DAB1: variants seen among roughly 807,000 people sequenced by gnomAD.
DAB1 encodes the protein DAB adaptor protein 1.
Under a neutral mutation model 64.6 loss-of-function variants are expected in DAB1, and 15 were observed. That is an observed-to-expected ratio of 0.23 (90% CI 0.16 to 0.36). DAB1 has a LOEUF of 0.36. Ranked by LOEUF, DAB1 falls within the 10% of genes least tolerant of loss-of-function variation. The pLI is 1.00. For missense variants in DAB1, 596 were observed against 706.7 expected (o/e 0.84, Z 1.78); for synonymous variants, 235 against 251.9 (o/e 0.93, Z 0.64).
In DAB1 at chr1:58,055,882, G is replaced by GTTA. The variant is rs71246205; in HGVS notation, n.387+94626_387+94628dup. ...ACACAGGCATGTGCCATCACACCGAGTTATTATTATTATTATTATTATTAT... is the reference window on the plus strand; with the variant it reads ...ACACAGGCATGTGCCATCACACCGAGTTATTATTATTATTATTATTATTATTAT... On this transcript the variant is annotated intron_variant and non_coding_transcript_variant, in intron 5 of 20. Transcript: ENST00000485760. Among the ~76,000 whole-genome samples the GTTA allele has an allele frequency of 7.3e-3, 1,075 of 147,690 alleles. 10 individuals carry two copies. The highest frequency in any genetic ancestry group is 0.022 in the African/African-American group (874 of 40,474).
intron 14 of DAB1, among the ~76,000 whole-genome samples, chr1:56,998,363 CCT>C (rs1368412876): frequency 6.6e-6 from 1 of 152,080 alleles, no homozygotes; most frequent in African/African-American, 2.4e-5. Context: ...AACTGATTGC[CCT>C]GTTAGGGAAG....
intron 12 of DAB1, among the ~76,000 whole-genome samples, chr1:57,013,167 T>C (rs896277381): frequency 6.6e-6 from 1 of 152,222 alleles, no homozygotes; most frequent in Non-Finnish European, 1.5e-5. Context: ...AGTGCCGAGG[T>C]TGCCAACGAT....
At chr1:58,219,914 T>C (rs971838546) in intron 4 of DAB1, among the ~76,000 whole-genome samples, 1 of 152,256 alleles carries the variant, frequency 6.6e-6, no homozygotes. Flanking sequence ...TACAATAGGC[T>C]TTTTATTTAG....
At chr1:57,035,304 C>T (rs56268560) in intron 9 of DAB1, among the ~76,000 whole-genome samples, 6,565 of 152,058 alleles carry the variant, frequency 0.043, 210 homozygotes, top group Non-Finnish European at 0.062. Context: ...TACATCTGTC[C>T]AATATAAAAA....
chr1:58,471,394 C>G (rs338237), intron 3 of DAB1, among the ~76,000 whole-genome samples: 8,300 of 152,208 alleles, frequency 0.055, 798 homozygotes, highest in African/African-American at 0.19. Flanking sequence ...GATCTAGTTA[C>G]ACACCTGTTC....
intron 6 of DAB1, among the ~76,000 whole-genome samples, chr1:57,742,962 G>T (rs749818948): frequency 5.3e-5 from 8 of 152,142 alleles, no homozygotes; most frequent in Non-Finnish European, 1.2e-4. Flanking sequence ...ATTGTGTGCC[G>T]CTGTATACAC....
chr1:58,297,553 C>G (rs561612911), intron 4 of DAB1, among the ~76,000 whole-genome samples: 1 of 152,254 alleles, frequency 6.6e-6, no homozygotes, highest in South Asian at 2.1e-4. Flanking sequence ...CCTTTCTCCA[C>G]TTCTCCGCAG....
At chr1:57,863,228 G>A (rs1345006208) in intron 1 of DAB1, 1 of 151,816 alleles carries the variant, frequency 6.6e-6, no homozygotes, top group African/African-American at 2.4e-5. Context: ...AACTGGAGTG[G>A]TAGAAAGTAA....
At chr1:57,459,683 T>C (rs1389496319) in intron 7 of DAB1, among the ~76,000 whole-genome samples, 1 of 152,136 alleles carries the variant, frequency 6.6e-6, no homozygotes, top group East Asian at 1.9e-4. Context: ...CTTAGAACAG[T>C]CACCAGATCC....
intron 1 of DAB1, among the ~76,000 whole-genome samples, chr1:57,393,116 A>G (rs76633710): frequency 0.094 from 14,274 of 152,244 alleles, 1,053 homozygotes; most frequent in East Asian, 0.28. Flanking sequence ...GGAATGGCTA[A>G]ATCGAGCTAT....
chr1:57,824,262 C>T (rs1652248865), downstream of DAB1, among the ~76,000 whole-genome samples: 1 of 152,216 alleles, frequency 6.6e-6, no homozygotes, highest in South Asian at 2.1e-4. Flanking sequence ...ATTTGCTCAC[C>T]CACAAGTGCC....
chr1:57,247,252 T>C (rs1484526427), intron 2 of DAB1, among the ~76,000 whole-genome samples: 1 of 152,106 alleles, frequency 6.6e-6, no homozygotes, highest in Non-Finnish European at 1.5e-5. Flanking sequence ...GATCAGATCA[T>C]GGGGGCAGAT....
At chr1:58,058,756 G>A (rs919339374) in intron 5 of DAB1, among the ~76,000 whole-genome samples, 1 of 152,176 alleles carries the variant, frequency 6.6e-6, no homozygotes, top group African/African-American at 2.4e-5. Flanking sequence ...GATGAGAAGA[G>A]GTTTAAAGTA....
intron 6 of DAB1, among the ~76,000 whole-genome samples, chr1:57,652,176 A>G (rs1374186513): frequency 6.6e-6 from 1 of 152,170 alleles, no homozygotes; most frequent in Non-Finnish European, 1.5e-5. Flanking sequence ...TAACATCACT[A>G]TTGCAGAACC....
chr1:57,034,977 G>A (rs796190937), intron 9 of DAB1, among the ~76,000 whole-genome samples: 6 of 152,312 alleles, frequency 3.9e-5, no homozygotes, highest in East Asian at 1.9e-4. Flanking sequence ...GAGCCTTCAG[G>A]TCAACCACCA....
chr1:57,519,258 G>A (rs1644497885), intron 7 of DAB1, among the ~76,000 whole-genome samples: 2 of 152,128 alleles, frequency 1.3e-5, no homozygotes, highest in Non-Finnish European at 2.9e-5. Context: ...AGGAAGCTGA[G>A]GCACAGGGAA....
chr1:58,530,865 C>T, intron 1 of DAB1: 2 of 590,856 alleles, frequency 3.4e-6, no homozygotes, highest in Admixed American at 2.9e-5. Context: ...TCTTCTTTTG[C>T]TTATTCTTTC....
At chr1:58,431,510 A>G (rs539207521) in intron 3 of DAB1, among the ~76,000 whole-genome samples, 228 of 147,466 alleles carry the variant, frequency 1.5e-3, no homozygotes, top group African/African-American at 5.4e-3. Flanking sequence ...GTGAGCCGAG[A>G]TCACGCCACT....
intron 9 of DAB1, among the ~76,000 whole-genome samples, chr1:57,053,257 T>A (rs1570599947): frequency 6.6e-6 from 1 of 152,110 alleles, no homozygotes; most frequent in Non-Finnish European, 1.5e-5. Flanking sequence ...GAAAATTTTT[T>A]AAAAAACAGA....
Sources: allele counts gnomAD v4.1 joint callset (sites outside exome capture counted in the v4.1 genomes callset), GRCh38; gene constraint gnomAD v4.1.1; transcripts MANE v1.5; gene names NCBI Gene and HGNC (gene_info 2026-07-23, HGNC 2026-07-21).